The following HTT-AS variants were observed in gnomAD, a reference collection of about 807,000 sequenced individuals.
HTT-AS encodes HTT antisense RNA (head to head).
At chr4:3,069,661 C>T (rs958881975) in intron 1 of HTT-AS, among the ~76,000 whole-genome samples, 6 of 152,148 alleles carry the variant, frequency 3.9e-5, no homozygotes, top group Admixed American at 3.3e-4. Flanking sequence ...AGCGGTGCAC[C>T]TAGAACCTAA....
intron 1 of HTT-AS, among the ~76,000 whole-genome samples, chr4:3,065,978 G>T (rs16843127): frequency 0.068 from 10,412 of 152,232 alleles, 456 homozygotes; most frequent in African/African-American, 0.12. Context: ...GATGACGGAC[G>T]ATAGAATCCG....
intron 2 of HTT-AS, among the ~76,000 whole-genome samples, chr4:3,050,815 TTAACA>T (rs1051677520): frequency 1.4e-4 from 22 of 152,190 alleles, no homozygotes; most frequent in African/African-American, 5.1e-4. Context: ...CCCATGTAAC[TTAACA>T]TATCAGATTA....
chr4:3,062,109 G>C (rs78918240), intron 2 of HTT-AS, among the ~76,000 whole-genome samples: 1,908 of 151,406 alleles, frequency 0.013, 23 homozygotes, highest in Non-Finnish European at 0.019. Flanking sequence ...TAGCTTCAGT[G>C]ATTTGGGGGC....
intron 1 of HTT-AS, among the ~76,000 whole-genome samples, chr4:3,069,613 G>A (rs183923461): frequency 6.6e-6 from 1 of 152,234 alleles, no homozygotes; most frequent in Admixed American, 6.5e-5. Flanking sequence ...GTTTAAAAAC[G>A]AGGGTTGTCA....
intron 1 of HTT-AS, among the ~76,000 whole-genome samples, chr4:3,068,253 C>T (rs1314997944): frequency 9.0e-5 from 13 of 143,902 alleles, no homozygotes; most frequent in Admixed American, 8.7e-4. Flanking sequence ...TTGCAGTGAG[C>T]CGAGATTGTG....
chr4:3,051,622 C>T (rs1014270782), intron 2 of HTT-AS, among the ~76,000 whole-genome samples: 1 of 149,774 alleles, frequency 6.7e-6, no homozygotes, highest in Non-Finnish European at 1.5e-5. Flanking sequence ...TGACCTCTCT[C>T]TCTCTGTGTG....
rs555423466 is a variant in HTT-AS at position 3,050,774 on chromosome 4, G to C, written n.1381-1076C>G. Among the ~76,000 whole-genome samples the C allele has an allele frequency of 1.3e-3, 193 of 152,256 alleles. 1 individual carries two copies. Among genetic ancestry groups the C allele is most frequent in the African/African-American group, 4.4e-3 (183 of 41,544 alleles). ...ATCATTCACTAAAATGTAACCTGAA[G>C]AGGAGTAAACATTATTTTTTGACAA... On this transcript the variant is annotated intron_variant and non_coding_transcript_variant, in intron 2 of 2. Coordinates refer to ENST00000664062, the Ensembl canonical transcript of HTT-AS.
At chr4:3,057,632 T>TTTTA (rs529571858) in intron 2 of HTT-AS, among the ~76,000 whole-genome samples, 3 of 152,096 alleles carry the variant, frequency 2.0e-5, no homozygotes, top group South Asian at 2.1e-4. Flanking sequence ...GGTTATTTCT[T>TTTTA]TTTATTTATT....
exon 2 of HTT-AS, among the ~76,000 whole-genome samples, chr4:3,062,953 G>A (rs1474533961): frequency 6.6e-6 from 1 of 152,106 alleles, no homozygotes; most frequent in Non-Finnish European, 1.5e-5. Flanking sequence ...AAAGACCTAT[G>A]TCCCAGTCCA....
chr4:3,058,028 A>G (rs573216685), intron 2 of HTT-AS, among the ~76,000 whole-genome samples: 2 of 151,630 alleles, frequency 1.3e-5, no homozygotes, highest in African/African-American at 2.4e-5. Context: ...TTTTTAGAAC[A>G]TATAGGGTAA....
At chr4:3,049,993 T>G in intron 2 of HTT-AS, among the ~76,000 whole-genome samples, 1 of 147,764 alleles carries the variant, frequency 6.8e-6, no homozygotes, top group Non-Finnish European at 1.5e-5. Flanking sequence ...TCACCCAGGC[T>G]GGAGTGCAGC....
chr4:3,049,521 G>A (rs755880506), exon 3 of HTT-AS, among the ~76,000 whole-genome samples: 21 of 152,164 alleles, frequency 1.4e-4, no homozygotes, highest in Non-Finnish European at 1.9e-4. Flanking sequence ...CTTCTGGGGA[G>A]AGACTTCCTT....
chr4:3,056,464 C>T (rs1251282441), intron 2 of HTT-AS, among the ~76,000 whole-genome samples: 1 of 152,198 alleles, frequency 6.6e-6, no homozygotes, highest in Non-Finnish European at 1.5e-5. Flanking sequence ...GACTCAGCTA[C>T]TGTTACAGGT....
At chr4:3,058,279 T>C (rs1360089900) in intron 2 of HTT-AS, among the ~76,000 whole-genome samples, 3 of 151,870 alleles carry the variant, frequency 2.0e-5, no homozygotes, top group African/African-American at 7.3e-5. Context: ...TGAGCCGAGA[T>C]TGCGCCATTG....
In HTT-AS at chr4:3,071,585, G is replaced by A. The variant is rs546358496; in HGVS notation, n.113+2841C>T. On this transcript the variant is annotated intron_variant and non_coding_transcript_variant, in intron 1 of 2. Coordinates refer to ENST00000664062, the Ensembl canonical transcript of HTT-AS. ...AAAGGTCTCTAAAGAAGGTCAGAGC[G>A]GCTGCTAGGGTGCAACTCTATTACT... Among the ~76,000 whole-genome samples the A allele has an allele frequency of 5.9e-5, 9 of 152,246 alleles. No individual in the cohort carries two copies. In the East Asian group the frequency reaches 1.5e-3, roughly 26 times the overall value.
intron 2 of HTT-AS, among the ~76,000 whole-genome samples, chr4:3,059,797 T>A (rs1422810283): frequency 6.6e-6 from 1 of 152,192 alleles, no homozygotes; most frequent in Non-Finnish European, 1.5e-5. Context: ...GGTCTCAAAC[T>A]CCTGACCTCA....
At chr4:3,073,003 G>A (rs1712222020) in intron 1 of HTT-AS, among the ~76,000 whole-genome samples, 1 of 152,184 alleles carries the variant, frequency 6.6e-6, no homozygotes, top group Non-Finnish European at 1.5e-5. Context: ...TAGCTCACTT[G>A]CAGCCTCAAA....
exon 2 of HTT-AS, among the ~76,000 whole-genome samples, chr4:3,063,110 G>C (rs868510330): frequency 3.9e-5 from 6 of 152,164 alleles, no homozygotes; most frequent in Non-Finnish European, 8.8e-5. Context: ...ATCCCTGTAA[G>C]GGTCAGTTGA....
At chr4:3,063,937 T>C (rs1463774908) in intron 1 of HTT-AS, among the ~76,000 whole-genome samples, 3 of 151,958 alleles carry the variant, frequency 2.0e-5, no homozygotes, top group Admixed American at 6.6e-5. Flanking sequence ...GCCACAGAGC[T>C]CCTAAAATCC....
Sources: gnomAD v4.1 joint callset for allele counts (sites outside exome capture counted in the v4.1 genomes callset) on GRCh38, gnomAD v4.1.1 for gene constraint, MANE v1.5 for transcripts, NCBI Gene and HGNC (gene_info 2026-07-23, HGNC 2026-07-21) for gene names.